The following FLYWCH1 variants were observed in gnomAD, a reference collection of about 807,000 sequenced individuals.
The protein encoded by FLYWCH1 is FLYWCH-type zinc finger-containing protein 1.
FLYWCH1 carries 75 observed loss-of-function variants against 66.4 expected under a neutral mutation model. The ratio of observed to expected loss-of-function variants is 1.13; its 90% CI spans 0.94 to 1.37. The LOEUF is 1.37. Among genes scored for constraint, FLYWCH1 ranks in the 40% most tolerant of loss-of-function variants. FLYWCH1 has a pLI of 0.00. For missense variants in FLYWCH1, 1,334 were observed against 1,001.8 expected (o/e 1.33, Z -4.48); for synonymous variants, 595 against 429.9 (o/e 1.38, Z -4.75).
chr16:2,942,702 T>C (rs2071319338), intron 9 of FLYWCH1, among the ~76,000 whole-genome samples: 2 of 120,514 alleles, frequency 1.7e-5, no homozygotes, highest in Admixed American at 1.7e-4. Context: ...AGGTTCACCC[T>C]TGGCTGGCAT....
chr16:2,931,392 G>C (rs1199505140), intron 4 of FLYWCH1, among the ~76,000 whole-genome samples: 1 of 151,954 alleles, frequency 6.6e-6, no homozygotes, highest in Non-Finnish European at 1.5e-5. Flanking sequence ...GGGAGGCTGG[G>C]GCAGGAGGAT....
chr16:2,927,368 G>C (rs997481307), intron 2 of FLYWCH1, among the ~76,000 whole-genome samples: 2 of 152,148 alleles, frequency 1.3e-5, no homozygotes, highest in African/African-American at 4.8e-5. Context: ...CACCTGCGGT[G>C]GCTAATGCTA....
intron 9 of FLYWCH1, among the ~76,000 whole-genome samples, chr16:2,946,990 C>T (rs1364289208): frequency 6.6e-6 from 1 of 152,072 alleles, no homozygotes. Flanking sequence ...AATTCCACTC[C>T]TAGGTATGTA....
intron 9 of FLYWCH1, among the ~76,000 whole-genome samples, chr16:2,942,720 CTTTTTTT>C (rs34247000): frequency 2.1e-4 from 17 of 82,794 alleles, no homozygotes; most frequent in South Asian, 1.4e-3. Context: ...CATCTGGGAA[CTTTTTTT>C]TTTTTTTTTT....
chr16:2,932,989 G>A (rs184682300), intron 4 of FLYWCH1, 141 bp from the exon 5 acceptor site: 5 of 724,028 alleles, frequency 6.9e-6, no homozygotes, highest in East Asian at 5.5e-5. Context: ...TGGGGCCTCT[G>A]ACATATCTGG....
intron 9 of FLYWCH1, 51 bp from the exon 10 acceptor site, chr16:2,948,637 T>C: frequency 6.3e-7 from 1 of 1,585,766 alleles, no homozygotes; most frequent in Non-Finnish European, 8.7e-7. Flanking sequence ...GTGTTATCTA[T>C]TTCCACCATG....
chr16:2,931,229 G>C (rs967042623), intron 4 of FLYWCH1, among the ~76,000 whole-genome samples: 2 of 148,842 alleles, frequency 1.3e-5, no homozygotes, highest in Non-Finnish European at 3.0e-5. Context: ...CTTGAACCCA[G>C]GAGGCAGAGG....
At chr16:2,938,127 C>T in intron 7 of FLYWCH1, 57 bp from the exon 8 acceptor site, 2 of 1,550,540 alleles carry the variant, frequency 1.3e-6, no homozygotes, top group Non-Finnish European at 1.7e-6. Context: ...AATCAGACCC[C>T]CAGCCCTGCC....
intron 6 of FLYWCH1, 50 bp from the exon 7 acceptor site, chr16:2,937,071 G>C: frequency 7.9e-7 from 1 of 1,262,484 alleles, no homozygotes; most frequent in South Asian, 1.5e-5. Flanking sequence ...ATGCTGATCT[G>C]GGCTCTGAGA....
chr16:2,936,917 C>T (rs1353727905), intron 6 of FLYWCH1: 5 of 707,284 alleles, frequency 7.1e-6, no homozygotes, highest in African/African-American at 5.3e-5. Flanking sequence ...CCTCACCTGA[C>T]CAGTCCCCAG....
At position 2,919,828 on chromosome 16, in the gene FLYWCH1, C is replaced by G. The variant is rs1007214460; in HGVS notation, c.-74+5539C>G. On this transcript the variant is annotated intron_variant, in intron 2 of 9. Coordinates refer to ENST00000253928, the MANE Select transcript of FLYWCH1 (RefSeq NM_001308068.2). ...TTTTACCAAGGCAATAGGAACATTT[C>G]AGGAGCAACACCACCATCTTGTGGC... Among the ~76,000 whole-genome samples the G allele has an allele frequency of 5.9e-5, 9 of 152,268 alleles. No individual in the cohort carries two copies. In the South Asian group the frequency reaches 1.4e-3, roughly 25 times the overall value.
At chr16:2,921,851 C>T (rs1254298622) in intron 2 of FLYWCH1, among the ~76,000 whole-genome samples, 3 of 151,998 alleles carry the variant, frequency 2.0e-5, no homozygotes, top group African/African-American at 4.8e-5. Context: ...ATCATGAGGT[C>T]GGAAGTTCGA....
intron 2 of FLYWCH1, chr16:2,922,646 G>T: frequency 2.3e-6 from 1 of 429,148 alleles, no homozygotes; most frequent in South Asian, 1.8e-5. Flanking sequence ...GAATTAGCCA[G>T]CCGGACTCGG....
chr16:2,923,118 T>C (rs1486369895), intron 2 of FLYWCH1: 6 of 403,036 alleles, frequency 1.5e-5, no homozygotes, highest in Non-Finnish European at 2.8e-5. Context: ...TGAGGTTCTT[T>C]TTTTGTGTGG....
chr16:2,917,333 G>A (rs2070206390), intron 2 of FLYWCH1, among the ~76,000 whole-genome samples: 2 of 149,568 alleles, frequency 1.3e-5, no homozygotes, highest in South Asian at 2.2e-4. Flanking sequence ...GGGTACAAGC[G>A]ATTCTCCTGC....
At chr16:2,939,538 C>CAGCCTGACCAACATGGTGAAACCT (rs1567348541) in intron 8 of FLYWCH1, among the ~76,000 whole-genome samples, 1 of 108,620 alleles carries the variant, frequency 9.2e-6, no homozygotes, top group Non-Finnish European at 2.3e-5. Flanking sequence ...TGGTGAAACC[C>CAGCCTGACCAACATGGTGAAACCT]TGTCTCTAAA....
intron 4 of FLYWCH1, 90 bp from the exon 5 acceptor site, chr16:2,933,040 G>C: frequency 8.7e-7 from 1 of 1,151,832 alleles, no homozygotes; most frequent in South Asian, 1.5e-5. Context: ...AAGGAGAAAG[G>C]CTCGTGTCAG....
intron 9 of FLYWCH1, among the ~76,000 whole-genome samples, chr16:2,942,022 A>AAAAAAAAC (rs1567351594): frequency 7.4e-6 from 1 of 135,346 alleles, no homozygotes; most frequent in African/African-American, 2.9e-5. Context: ...AAAAAAAAAA[A>AAAAAAAAC]ACTGAAGCAG....
rs1285540530 is a variant in FLYWCH1, at chr16:2,938,186, C to A, written c.1780C>A (p.Pro594Thr). The change falls in exon 8 of 10, where the codon CCT (proline) becomes ACT (threonine). Residue 594 changes from proline (P) to threonine (T), a missense_variant and splice_region_variant. Transcript: ENST00000253928. ...CACAGTGTCACTTTCCCTTTCAGAT[C>A]CTCTCCGGCCCCTGGAGTTCCTGAG... Reference protein sequence around the residue: ...PNLAQWDSPDPLRPLEFLRTS... With the variant: ...PNLAQWDSPDTLRPLEFLRTS... 1 of 1,611,608 alleles carries A rather than the reference C, an allele frequency of 6.2e-7. No homozygotes were observed. Among genetic ancestry groups the A allele is most frequent in the Non-Finnish European group, 8.5e-7 (1 of 1,179,288 alleles).
Sources: allele counts gnomAD v4.1 joint callset (sites outside exome capture counted in the v4.1 genomes callset), GRCh38; gene constraint gnomAD v4.1.1; transcripts MANE v1.5; gene names NCBI Gene and HGNC (gene_info 2026-07-23, HGNC 2026-07-21).